The following PCDH10 variants were observed in gnomAD, a reference collection of about 807,000 sequenced individuals.
PCDH10 encodes protocadherin-10.
PCDH10 carries 15 observed loss-of-function variants against 74.4 expected under a neutral mutation model. That is an observed-to-expected ratio of 0.20 (90% CI 0.13 to 0.31). PCDH10 has a LOEUF of 0.31. Among genes scored for constraint, PCDH10 ranks in the 10% least tolerant of loss-of-function variants. The pLI is 1.00. For missense variants in PCDH10, 1,260 were observed against 1,390.2 expected, an observed-to-expected ratio of 0.91 and a Z score of 1.49; for synonymous variants, 619 against 589.8, an observed-to-expected ratio of 1.05 and a Z score of -0.72.
rs542716314 is a variant in PCDH10 at position 133,194,219 on chromosome 4, C to T, written c.*4059C>T. 6.6e-6 allele frequency: 1 copy of T among 151,848 alleles called. No individual in the cohort carries two copies. The highest frequency in any genetic ancestry group is 2.4e-5 in the African/African-American group (1 of 41,528). The allele number at this position is 151,848 out of a possible 1,614,324, so 9.4% of individuals were successfully genotyped here. A position where few individuals can be genotyped will look rare whatever the true frequency, so the allele number is the denominator to read the frequency against. ...AGTATTTGTAAAATTAGAAAAATTG[C>T]TTTTATTTCTTGAAAAGTTGTCACA... On this transcript the variant is annotated 3_prime_UTR_variant, in exon 5 of 5. Transcript: ENST00000264360.
chr4:133,170,436 T>G (rs1283893355), intron 4 of PCDH10, among the ~76,000 whole-genome samples: 1 of 152,130 alleles, frequency 6.6e-6, no homozygotes, highest in Non-Finnish European at 1.5e-5. Context: ...TATAAATACA[T>G]TTTATATGCT....
intron 3 of PCDH10, among the ~76,000 whole-genome samples, chr4:133,162,750 C>G (rs1398357588): frequency 6.6e-6 from 1 of 152,180 alleles, no homozygotes; most frequent in East Asian, 1.9e-4. Flanking sequence ...TCAGAGGCCT[C>G]TTTGCCAGAA....
At chr4:133,188,675 T>G (rs550783868) in intron 4 of PCDH10, among the ~76,000 whole-genome samples, 7 of 140,268 alleles carry the variant, frequency 5.0e-5, no homozygotes, top group African/African-American at 1.6e-4. Flanking sequence ...GTTTTTTTTT[T>G]TTTTTTTTTT....
rs546340177 is a variant in PCDH10, at chr4:133,181,872, T to C, written c.3104-8269T>C. Among the ~76,000 whole-genome samples, 34 of 152,248 alleles carry C rather than the reference T, an allele frequency of 2.2e-4. No homozygotes were observed. The South Asian group carries it at 6.8e-3, about 31-fold the overall frequency. Reference sequence around the variant, plus strand: ...TGTCTTCTTTGAACATATGTTTGAATAGGCGTTTAGAAATATTTACCAACC... The same window carrying C: ...TGTCTTCTTTGAACATATGTTTGAACAGGCGTTTAGAAATATTTACCAACC... On this transcript the variant is annotated intron_variant, in intron 4 of 4. Coordinates refer to ENST00000264360, the MANE Select transcript of PCDH10 (RefSeq NM_032961.3).
At chr4:133,197,428 C>T (rs971412374), downstream of PCDH10, among the ~76,000 whole-genome samples, 1 of 152,230 alleles carries the variant, frequency 6.6e-6, no homozygotes, top group Non-Finnish European at 1.5e-5. Flanking sequence ...GCTCTGTTCC[C>T]TAGAGGTGTC....
chr4:133,189,217 A>T, intron 4 of PCDH10, among the ~76,000 whole-genome samples: 1 of 152,114 alleles, frequency 6.6e-6, no homozygotes, highest in East Asian at 1.9e-4. Flanking sequence ...GTACTTTGTA[A>T]CTTTTAATGA....
In PCDH10 at chr4:133,192,890, A is replaced by G. The variant is rs1232983449; in HGVS notation, c.*2730A>G. The G allele has an allele frequency of 1.3e-5, 2 of 151,638 alleles. No individual in the cohort carries two copies. Among genetic ancestry groups the G allele is most frequent in the African/African-American group, 2.4e-5 (1 of 41,424 alleles). 9.4% of individuals were successfully genotyped at this position (151,638 alleles called of 1,614,324 possible). On this transcript the variant is annotated 3_prime_UTR_variant, in exon 5 of 5. Transcript: ENST00000264360. ...CTAATTAAGCATTTACTAGATTAAT[A>G]TATCAAGGAATTTTAGGATAGGTTT...
chr4:133,170,661 C>G (rs1440660832), intron 4 of PCDH10, among the ~76,000 whole-genome samples: 1 of 151,974 alleles, frequency 6.6e-6, no homozygotes, highest in African/African-American at 2.4e-5. Context: ...GAAACAGATA[C>G]ATGATTCAAT....
Position 133,190,259 on chromosome 4 carries a change from T to A in PCDH10, c.*99T>A. 1 of 1,055,968 alleles carries A rather than the reference T, an allele frequency of 9.5e-7. No homozygotes were observed. The highest frequency in any genetic ancestry group is 1.5e-6 in the Non-Finnish European group (1 of 673,322). 65.4% of individuals were successfully genotyped at this position (1,055,968 alleles called of 1,614,324 possible). On this transcript the variant is annotated 3_prime_UTR_variant, in exon 5 of 5. Coordinates refer to ENST00000264360, the MANE Select transcript of PCDH10 (RefSeq NM_032961.3). ...TTCATTATCTTGGCCATCCAGTTAG[T>A]CATGTGTAACTGAGTATTAGATTTC... is the stretch of plus-strand genomic sequence containing the variant.
At chr4:133,168,187 G>A (rs886781822) in intron 4 of PCDH10, among the ~76,000 whole-genome samples, 22 of 150,840 alleles carry the variant, frequency 1.5e-4, no homozygotes, top group Non-Finnish European at 2.4e-4. Context: ...TTGTATAGTC[G>A]TCTATCTCAG....
In PCDH10 at chr4:133,151,266, G is replaced by A. The variant is rs1390201811; in HGVS notation, c.1126G>A (p.Val376Met). ...AVSEGAAPGT[V>M]VALFSVTDRD... is the part of the protein sequence containing the mutation. ...GAGTGAGGGCGCGGCGCCCGGCACT[G>A]TGGTGGCCCTTTTCAGCGTGACTGA... Residue 376 changes from valine to methionine, a missense_variant, in exon 1 of 5, where the codon GTG becomes ATG. Physicochemically the swap from Val to Met is conservative, Grantham distance 21. This residue lies in a region of PCDH10 where 112 missense variants were observed against 123.6 expected (regional missense o/e 0.91). Coordinates refer to ENST00000264360, the MANE Select transcript of PCDH10 (RefSeq NM_032961.3). The A allele has an allele frequency of 6.2e-7, 1 of 1,614,118 alleles. No individual in the cohort carries two copies. Among genetic ancestry groups the A allele is most frequent in the Non-Finnish European group, 8.5e-7 (1 of 1,180,016 alleles).
At chr4:133,201,101 T>G (rs1727899881) in intron 2 of PCDH10, among the ~76,000 whole-genome samples, 1 of 152,148 alleles carries the variant, frequency 6.6e-6, no homozygotes, top group South Asian at 2.1e-4. Flanking sequence ...CAAATATGAG[T>G]ACGTCTCCCA....
chr4:133,163,181 C>G lies in PCDH10; in HGVS notation c.3002C>G (p.Ser1001Cys). The G allele has an allele frequency of 6.2e-7, 1 of 1,614,116 alleles. No individual in the cohort carries two copies. The highest frequency in any genetic ancestry group is 8.5e-7 in the Non-Finnish European group (1 of 1,180,026). ...EAQPGAERSF[S>C]TFGKEKALHS... The stretch of plus-strand genomic sequence containing the variant: ...CAGCCTGGGGCAGAGCGGTCCTTTT[C>G]CACCTTTGGCAAAGAGAAGGCCCTT... Residue 1001 changes from serine (S) to cysteine (C), a missense_variant, in exon 4 of 5, where the codon TCC (serine) becomes TGC (cysteine). Physicochemically the swap from Ser to Cys is moderately radical, Grantham distance 112. Transcript: ENST00000264360.
chr4:133,187,488 G>A (rs141328794), intron 4 of PCDH10, among the ~76,000 whole-genome samples: 87 of 152,082 alleles, frequency 5.7e-4, no homozygotes, highest in African/African-American at 1.9e-3. Flanking sequence ...CTTCTAACAT[G>A]GAGGAAATCT....
Position 133,151,757 on chromosome 4 carries a change from C to T in PCDH10, c.1617C>T (p.Phe539=), listed in dbSNP as rs1209476228. The T allele has an allele frequency of 1.2e-6, 2 of 1,613,146 alleles. No individual in the cohort carries two copies. Among genetic ancestry groups the T allele is most frequent in the South Asian group, 1.1e-5 (1 of 91,090 alleles). The change falls in exon 1 of 5, where the codon TTC becomes TTT. Residue 539 remains phenylalanine (F), a synonymous_variant. Coordinates refer to ENST00000264360, the MANE Select transcript of PCDH10 (RefSeq NM_032961.3). ...TCGACTATGAGCAGCTGAAGGACTT[C>T]AGTTTTCAGGTGGAAGCCCGGGACG... is the stretch of plus-strand genomic sequence containing the variant. The part of the protein sequence containing the change: ...RSFDYEQLKD[F]SFQVEARDAG...
chr4:133,171,211 A>G (rs1438173772), intron 4 of PCDH10, among the ~76,000 whole-genome samples: 1 of 152,134 alleles, frequency 6.6e-6, no homozygotes, highest in Non-Finnish European at 1.5e-5. Flanking sequence ...TTTGATATTC[A>G]TCATATATTT....
rs1352445265 is a variant in PCDH10, at chr4:133,150,029, A to G, written c.-112A>G. 7.1e-7 allele frequency: 1 copy of G among 1,413,658 alleles called. No homozygotes were observed. Among genetic ancestry groups the G allele is most frequent in the East Asian group, 2.4e-5 (1 of 41,310 alleles). 87.6% of individuals were successfully genotyped at this position (1,413,658 alleles called of 1,614,324 possible). A position where few individuals can be genotyped will look rare whatever the true frequency, so the allele number is the denominator to read the frequency against. On this transcript the variant is annotated 5_prime_UTR_variant, in exon 1 of 5. Transcript: ENST00000264360. ...AAGACAGAAAGCCACAGGAGCCCCC[A>G]CGTAGCGCACTTTTATTTGTATTTT...
Position 133,151,889 on chromosome 4 carries a change from G to A in PCDH10, c.1749G>A (p.Gly583=). Reference sequence around the variant, plus strand: ...TGGCGCCTCTACCAGGGCGCAACGGGACTCCAGCGCGTGAGGTGCTGCCCC... The same window carrying A: ...TGGCGCCTCTACCAGGGCGCAACGGAACTCCAGCGCGTGAGGTGCTGCCCC... The part of the protein sequence containing the change: ...AIVAPLPGRN[G]TPAREVLPRS... The change falls in exon 1 of 5, where the codon GGG becomes GGA. Residue 583 remains glycine, a synonymous_variant. Coordinates refer to ENST00000264360, the MANE Select transcript of PCDH10 (RefSeq NM_032961.3). 2 of 1,612,966 alleles carry A rather than the reference G, an allele frequency of 1.2e-6. No individual in the cohort carries two copies. The highest frequency in any genetic ancestry group is 2.2e-5 in the South Asian group (2 of 91,082).
In PCDH10 at chr4:133,152,660, CA is replaced by C; in HGVS notation, c.2521del (p.Ser841AlafsTer48). On this transcript the variant is annotated frameshift_variant, in exon 1 of 5. Transcript: ENST00000264360. LOFTEE classifies it high-confidence loss of function. ...CCGACCTGATGTTTCTTAAGCCCTG[CA>C]GCCCTTCGCGGAGTACGGACACTGA... ...KTDLMFLKPC[S>X]PSRSTDTEHN... 6.2e-7 allele frequency: 1 copy of C among 1,614,240 alleles called. No homozygotes were observed. The highest frequency in any genetic ancestry group is 8.5e-7 in the Non-Finnish European group (1 of 1,180,042).
Sources: gnomAD v4.1 joint callset for allele counts (sites outside exome capture counted in the v4.1 genomes callset) on GRCh38, gnomAD v4.1.1 for gene constraint, gnomAD v4.1.1 regional missense constraint, MANE v1.5 for transcripts, NCBI Gene and HGNC (gene_info 2026-07-23, HGNC 2026-07-21) for gene names.